The following IGF2R variants were observed in gnomAD, a reference collection of about 807,000 sequenced individuals.
IGF2R encodes the protein cation-independent mannose-6-phosphate receptor.
A neutral mutation model predicts 270.6 loss-of-function variants in IGF2R; 91 were observed. The ratio of observed to expected loss-of-function variants is 0.34; its 90% CI spans 0.28 to 0.40. The LOEUF (loss-of-function observed/expected upper bound fraction) is 0.40. Among genes scored for constraint, IGF2R ranks in the 10% least tolerant of loss-of-function variants. The pLI, the probability that IGF2R is intolerant of heterozygous loss-of-function variation, is 1.00. For synonymous variants in IGF2R, 1,316 were observed against 1,258.9 expected (o/e 1.05, Z -0.96); for missense variants, 2,805 against 3,188.3 (o/e 0.88, Z 2.90).
At chr6:160,014,352 G>A (rs1454912741) in intron 4 of IGF2R, among the ~76,000 whole-genome samples, 1 of 152,214 alleles carries the variant, frequency 6.6e-6, no homozygotes, top group Non-Finnish European at 1.5e-5. Context: ...TCTTATGAAT[G>A]TCTCCATTGC....
intron 10 of IGF2R, among the ~76,000 whole-genome samples, chr6:160,034,952 G>C (rs564380541): frequency 6.6e-6 from 1 of 152,314 alleles, no homozygotes; most frequent in African/African-American, 2.4e-5. Context: ...CTATGGTAGA[G>C]TTTGGATCTG....
chr6:160,094,734 TAA>T (rs899565176), intron 44 of IGF2R: 6 of 151,926 alleles, frequency 3.9e-5, no homozygotes, highest in Non-Finnish European at 5.9e-5. Flanking sequence ...CCGTCTTTAC[TAA>T]AAATACAAAA....
chr6:160,000,569 T>C (rs907927941), intron 2 of IGF2R, among the ~76,000 whole-genome samples: 11 of 152,102 alleles, frequency 7.2e-5, no homozygotes, highest in African/African-American at 2.7e-4. Flanking sequence ...AGAGCAATTA[T>C]GAGATCTCAT....
At chr6:160,058,427 T>C (rs554335019) in intron 21 of IGF2R, among the ~76,000 whole-genome samples, 2 of 152,350 alleles carry the variant, frequency 1.3e-5, no homozygotes, top group Admixed American at 6.5e-5. Flanking sequence ...CTCTCCTTAC[T>C]GTATCTTCAC....
At position 160,080,286 on chromosome 6, in the gene IGF2R, C is replaced by T. The variant is rs529123975; in HGVS notation, c.5833+11C>T. Reference sequence around the variant, plus strand: ...GCTTCTGCAGACACTGTGAGTAGGACGGCTCCGCGTCCCCACATGGCCTGG... The same window carrying T: ...GCTTCTGCAGACACTGTGAGTAGGATGGCTCCGCGTCCCCACATGGCCTGG... On this transcript the variant is annotated intron_variant, in intron 39 of 47. Coordinates refer to ENST00000356956, the MANE Select transcript of IGF2R (RefSeq NM_000876.4). The T allele has an allele frequency of 8.1e-5, 130 of 1,611,588 alleles. No individual in the cohort carries two copies. Among genetic ancestry groups the T allele is most frequent in the South Asian group, 3.4e-4 (31 of 90,986 alleles).
chr6:160,089,383 C>A, intron 43 of IGF2R, 130 bp downstream of exon 43: 1 of 765,180 alleles, frequency 1.3e-6, no homozygotes, highest in Non-Finnish European at 2.0e-6. Flanking sequence ...CTGGAGTCAT[C>A]GTCATCTTTT....
intron 44 of IGF2R, chr6:160,093,470 C>T (rs965480539): frequency 1.0e-5 from 5 of 490,450 alleles, no homozygotes; most frequent in Admixed American, 2.9e-5. Context: ...TTGAGGAGAT[C>T]AAGAAGGAGA....
intron 1 of IGF2R, among the ~76,000 whole-genome samples, chr6:159,980,136 G>GGTGCA (rs1349768930): frequency 6.6e-6 from 1 of 151,312 alleles, no homozygotes; most frequent in East Asian, 1.9e-4. Flanking sequence ...AGCTGAGATC[G>GGTGCA]CACCGCTGCA....
At chr6:159,982,110 A>G (rs1172031195) in intron 1 of IGF2R, among the ~76,000 whole-genome samples, 1 of 152,014 alleles carries the variant, frequency 6.6e-6, no homozygotes, top group Admixed American at 6.6e-5. Flanking sequence ...TGCAAATCAG[A>G]TTGTTTCTCT....
In IGF2R at chr6:160,089,970, G is replaced by C. The variant is rs1779183055; in HGVS notation, c.6522G>C (p.Glu2174Asp). 2 of 1,607,546 alleles carry C rather than the reference G, an allele frequency of 1.2e-6. No individual in the cohort carries two copies. Among genetic ancestry groups the C allele is most frequent in the African/African-American group, 2.7e-5 (2 of 74,756 alleles). Reference sequence around the variant, plus strand: ...CCAATGGGGACAACTACCTGTATGAGATCCAACTTTCCTCCATCACAAGCT... The same window carrying C: ...CCAATGGGGACAACTACCTGTATGACATCCAACTTTCCTCCATCACAAGCT... The part of the protein sequence containing the change: ...MRTNGDNYLY[E>D]IQLSSITSSR... Residue 2174 changes from glutamate (E) to aspartate (D), a missense_variant, in exon 44 of 48, where the codon GAG becomes GAC. Glu to Asp is a conservative substitution (Grantham distance 45). Coordinates refer to ENST00000356956, the MANE Select transcript of IGF2R (RefSeq NM_000876.4).
chr6:160,086,499 C>T (rs760475786), intron 41 of IGF2R, among the ~76,000 whole-genome samples: 5 of 152,322 alleles, frequency 3.3e-5, no homozygotes, highest in Admixed American at 6.5e-5. Context: ...TCCCCATCCA[C>T]TCCATGGGGC....
intron 15 of IGF2R, 104 bp downstream of exon 15, chr6:160,046,749 A>G: frequency 8.1e-7 from 1 of 1,233,126 alleles, no homozygotes; most frequent in South Asian, 1.4e-5. Flanking sequence ...CTTTATGACA[A>G]GCATTTAAAT....
intron 4 of IGF2R, 39 bp from the exon 5 acceptor site, chr6:160,024,533 T>G (rs751198615): frequency 3.1e-6 from 5 of 1,606,406 alleles, no homozygotes; most frequent in African/African-American, 2.7e-5. Context: ...TTGACCAAGA[T>G]GTATACTGAA....
chr6:160,031,229 A>G (rs1225310694), intron 7 of IGF2R, among the ~76,000 whole-genome samples: 1 of 152,166 alleles, frequency 6.6e-6, no homozygotes, highest in African/African-American at 2.4e-5. Flanking sequence ...TTGTTTAAGC[A>G]TTTACATTTG....
rs370417751 is a variant in IGF2R, at chr6:160,012,763, ATTTTTTTTTT to A, written c.513+1984_513+1993del. Among the ~76,000 whole-genome samples the A allele has an allele frequency of 1.2e-3, 158 of 127,884 alleles. 8 individuals are homozygous for A. The highest frequency in any genetic ancestry group is 7.8e-3 in the Middle Eastern group (2 of 258). The allele number at this position is 127,884 out of a possible 152,430, so 83.9% of individuals were successfully genotyped here. A position where few individuals can be genotyped will look rare whatever the true frequency, so the allele number is the denominator to read the frequency against. On this transcript the variant is annotated intron_variant, in intron 4 of 47. Coordinates refer to ENST00000356956, the MANE Select transcript of IGF2R (RefSeq NM_000876.4). Reference sequence around the variant, plus strand: ...GGCTAATTTATATATATATATATATATTTTTTTTTTTTTTTGTTTGTTTGTTTGTTTATTT... The same window carrying A: ...GGCTAATTTATATATATATATATATATTTTTGTTTGTTTGTTTGTTTATTT...
At chr6:159,976,086 G>A (rs533001882) in intron 1 of IGF2R, among the ~76,000 whole-genome samples, 1 of 152,014 alleles carries the variant, frequency 6.6e-6, no homozygotes, top group Non-Finnish European at 1.5e-5. Flanking sequence ...GTTTCTTAAA[G>A]TTTGGTAGAA....
In IGF2R at chr6:160,050,727, C is replaced by T. The variant is rs1326976509; in HGVS notation, c.2694+75C>T. The T allele has an allele frequency of 1.5e-6, 2 of 1,353,472 alleles. No homozygotes were observed. Among genetic ancestry groups the T allele is most frequent in the Admixed American group, 4.4e-5 (2 of 44,948 alleles). The allele number at this position is 1,353,472 out of a possible 1,614,324, so 83.8% of individuals were successfully genotyped here. A position where few individuals can be genotyped will look rare whatever the true frequency, so the allele number is the denominator to read the frequency against. On this transcript the variant is annotated intron_variant, in intron 19 of 47. Transcript: ENST00000356956. The surrounding 1 kb of genome is among the most constrained non-coding windows in gnomAD (Gnocchi z 4.0). ...GAGCGTTGCCTTATGTGTCTCTTAA[C>T]AGCAGCAGTCTTGGGGTGGGTGGCG...
chr6:160,037,710 A>G (rs997909575), intron 10 of IGF2R, among the ~76,000 whole-genome samples: 3 of 152,194 alleles, frequency 2.0e-5, no homozygotes, highest in African/African-American at 7.2e-5. Context: ...GGATAGGCTA[A>G]TAAACTACTC....
At chr6:159,979,225 G>A (rs774123832) in intron 1 of IGF2R, among the ~76,000 whole-genome samples, 25 of 152,288 alleles carry the variant, frequency 1.6e-4, no homozygotes, top group Non-Finnish European at 2.8e-4. Flanking sequence ...CTGTACTCCA[G>A]AATCAGTTAT....
Sources: gnomAD v4.1 joint callset for allele counts (sites outside exome capture counted in the v4.1 genomes callset) on GRCh38, gnomAD v4.1.1 for gene constraint, Gnocchi (gnomAD v3.1) non-coding constraint, MANE v1.5 for transcripts, NCBI Gene and HGNC (gene_info 2026-07-23, HGNC 2026-07-21) for gene names.